KIAA1549L: variants seen among roughly 807,000 people sequenced by gnomAD.
The protein encoded by KIAA1549L is UPF0606 protein KIAA1549L.
In KIAA1549L, 88 loss-of-function variants were observed where a neutral mutation model predicts 160.7. The observed-to-expected ratio is 0.55, with a 90% CI of 0.46 to 0.65. KIAA1549L has a LOEUF of 0.65. Ranked by LOEUF, KIAA1549L falls within the 30% of genes least tolerant of loss-of-function variation. The pLI is 0.00. For synonymous variants in KIAA1549L, 950 were observed against 976.7 expected (o/e 0.97, Z 0.51); for missense variants, 2,258 against 2,437.5 (o/e 0.93, Z 1.55).
At chr11:33,586,346 C>G (rs1849873478) in intron 11 of KIAA1549L, among the ~76,000 whole-genome samples, 1 of 152,112 alleles carries the variant, frequency 6.6e-6, no homozygotes, top group Non-Finnish European at 1.5e-5. Context: ...GTATGGATAC[C>G]CTTACCCTTC....
chr11:33,452,753 G>A (rs1172199898), intron 1 of KIAA1549L, among the ~76,000 whole-genome samples: 2 of 152,134 alleles, frequency 1.3e-5, no homozygotes, highest in Non-Finnish European at 2.9e-5. Context: ...CCATAGTTCA[G>A]CCTGTCAGGT....
In KIAA1549L at chr11:33,556,635, A is replaced by T. The variant is rs556442326; in HGVS notation, c.3856-3114A>T. ...TACTATATGATTTCTCTTATAAAAG[A>T]TATCTAGAGTTGTCAAATTAATAAG... is the stretch of plus-strand genomic sequence containing the variant. On this transcript the variant is annotated intron_variant, in intron 6 of 20. Coordinates refer to ENST00000658780, the MANE Select transcript of KIAA1549L (RefSeq NM_012194.3). Among the ~76,000 whole-genome samples the T allele has an allele frequency of 3.9e-5, 6 of 152,348 alleles. No individual in the cohort carries two copies. In the East Asian group the frequency reaches 9.6e-4, roughly 24 times the overall value.
intron 1 of KIAA1549L, among the ~76,000 whole-genome samples, chr11:33,422,500 C>A (rs1329225827): frequency 7.3e-6 from 1 of 137,218 alleles, no homozygotes; most frequent in East Asian, 2.6e-4. Context: ...TGAATGGACT[C>A]CCTCCCTTCC....
At chr11:33,665,409 T>G (rs1852409177) in intron 20 of KIAA1549L, 1 of 152,024 alleles carries the variant, frequency 6.6e-6, no homozygotes, top group African/African-American at 2.4e-5. Flanking sequence ...GAGGAGGCCC[T>G]GGAGAGCGTG....
chr11:33,592,684 G>A (rs966023661), intron 12 of KIAA1549L, among the ~76,000 whole-genome samples: 1 of 152,174 alleles, frequency 6.6e-6, no homozygotes, highest in Non-Finnish European at 1.5e-5. Flanking sequence ...AGAGAAACAG[G>A]TAAAATCTAT....
intron 16 of KIAA1549L, among the ~76,000 whole-genome samples, chr11:33,631,094 T>C (rs114152752): frequency 0.021 from 3,187 of 152,282 alleles, 131 homozygotes; most frequent in African/African-American, 0.073. Flanking sequence ...TGCCCAGTAC[T>C]GTCTCCATTA....
At chr11:33,599,086 A>G in intron 13 of KIAA1549L, 139 bp downstream of exon 13, 1 of 951,878 alleles carries the variant, frequency 1.1e-6, no homozygotes, top group Non-Finnish European at 1.6e-6. Context: ...CTGCCCCACA[A>G]GGGCCAGGAG....
intron 10 of KIAA1549L, among the ~76,000 whole-genome samples, chr11:33,581,274 G>T (rs1855633664): frequency 6.6e-6 from 1 of 152,202 alleles, no homozygotes; most frequent in Admixed American, 6.5e-5. Flanking sequence ...ATAGGTGACG[G>T]CCACAAAAAC....
rs34208718 is a variant in KIAA1549L at position 33,408,489 on chromosome 11, G to GTGTGTATA, written c.238+31601_238+31602insGTGTATAT. ...ATATATATACATACTCTGTATATGT[G>GTGTGTATA]TATATATATATATATATATATACAC... On this transcript the variant is annotated intron_variant, in intron 1 of 20. Coordinates refer to ENST00000658780, the MANE Select transcript of KIAA1549L (RefSeq NM_012194.3). Among the ~76,000 whole-genome samples, 79 of 123,066 alleles carry GTGTGTATA rather than the reference G, an allele frequency of 6.4e-4. No homozygotes were observed. In the South Asian group the frequency reaches 0.016, roughly 25 times the overall value. The allele number at this position is 123,066 out of a possible 152,430, so 80.7% of individuals were successfully genotyped here.
intron 1 of KIAA1549L, among the ~76,000 whole-genome samples, chr11:33,487,692 T>C (rs531569174): frequency 5.3e-5 from 8 of 152,298 alleles, no homozygotes; most frequent in Non-Finnish European, 7.4e-5. Flanking sequence ...TTAATTAGTC[T>C]GAGGTGGGAT....
In KIAA1549L at chr11:33,668,002, T is replaced by G. The variant is rs1371261929; in HGVS notation, c.6289T>G (p.Ser2097Ala). Reference protein sequence around the residue: ...HPSLEQAPAPSTAASQQSLAE... With the variant: ...HPSLEQAPAPATAASQQSLAE... ...CAGCCTGGAGCAGGCCCCGGCGCCC[T>G]CCACAGCGGCCTCGCAGCAGAGCCT... The change falls in exon 21 of 21, where the codon TCC becomes GCC. Residue 2097 changes from serine (S) to alanine (A), a missense_variant. By Grantham distance (99) the Ser-to-Ala change is moderately conservative. Transcript: ENST00000658780. The G allele has an allele frequency of 6.2e-7, 1 of 1,613,844 alleles. No individual in the cohort carries two copies. Among genetic ancestry groups the G allele is most frequent in the South Asian group, 1.1e-5 (1 of 91,066 alleles).
At chr11:33,439,654 G>A (rs958798973) in intron 1 of KIAA1549L, among the ~76,000 whole-genome samples, 2 of 145,922 alleles carry the variant, frequency 1.4e-5, no homozygotes, top group Admixed American at 7.0e-5. Context: ...CTCGTGATCC[G>A]CCTGCCTTGG....
At chr11:33,393,457 A>C (rs555066507) in intron 1 of KIAA1549L, among the ~76,000 whole-genome samples, 3 of 152,240 alleles carry the variant, frequency 2.0e-5, no homozygotes. Context: ...TCCCGGGTAC[A>C]ATGGGGTCCT....
At chr11:33,617,757 T>C (rs1361353606) in intron 15 of KIAA1549L, among the ~76,000 whole-genome samples, 2 of 151,698 alleles carry the variant, frequency 1.3e-5, no homozygotes, top group South Asian at 2.1e-4. Context: ...GCCTGGCACA[T>C]AGTAGGCATT....
At chr11:33,386,812 A>G (rs538435828) in intron 1 of KIAA1549L, among the ~76,000 whole-genome samples, 592 of 150,526 alleles carry the variant, frequency 3.9e-3, no homozygotes, top group Non-Finnish European at 6.7e-3. Context: ...GTGCTGGTCT[A>G]TAAAATAATA....
At chr11:33,406,543 A>AC (rs1850656763) in intron 1 of KIAA1549L, among the ~76,000 whole-genome samples, 1 of 152,234 alleles carries the variant, frequency 6.6e-6, no homozygotes, top group African/African-American at 2.4e-5. Flanking sequence ...TGGAACTCAA[A>AC]CTACCCCCTT....
chr11:33,411,470 A>ATG (rs1850784183), intron 1 of KIAA1549L, among the ~76,000 whole-genome samples: 1 of 152,138 alleles, frequency 6.6e-6, no homozygotes, highest in East Asian at 1.9e-4. Context: ...CGGCTAGTGG[A>ATG]TGTTAGGGTT....
intron 1 of KIAA1549L, among the ~76,000 whole-genome samples, chr11:33,468,731 C>A (rs1037516269): frequency 6.6e-6 from 1 of 152,168 alleles, no homozygotes; most frequent in Non-Finnish European, 1.5e-5. Flanking sequence ...CATATCATAA[C>A]GAACTCTTCT....
chr11:33,504,461 CT>C (rs770167487), intron 1 of KIAA1549L, among the ~76,000 whole-genome samples: 2 of 151,594 alleles, frequency 1.3e-5, no homozygotes, highest in African/African-American at 4.9e-5. Context: ...CTTCCCTTCC[CT>C]TTCCCTTTCT....
Sources: gnomAD v4.1 joint callset for allele counts (sites outside exome capture counted in the v4.1 genomes callset) on GRCh38, gnomAD v4.1.1 for gene constraint, MANE v1.5 for transcripts, NCBI Gene and HGNC (gene_info 2026-07-23, HGNC 2026-07-21) for gene names.